Variants in FBXO28 observed in about 807,000 individuals in gnomAD.
FBXO28 encodes F-box only protein 28.
FBXO28 carries 8 observed loss-of-function variants against 38.1 expected under a neutral mutation model. The observed-to-expected ratio is 0.21, with a 90% CI of 0.12 to 0.38. The LOEUF is 0.38. Among genes scored for constraint, FBXO28 ranks in the 10% least tolerant of loss-of-function variants. The pLI is 1.00. For missense variants in FBXO28, 345 were observed against 460.6 expected (o/e 0.75, Z 2.30); for synonymous variants, 168 against 173.8 (o/e 0.97, Z 0.26).
chr1:224,132,474 G>T (rs1055069827), intron 2 of FBXO28, among the ~76,000 whole-genome samples: 12 of 152,122 alleles, frequency 7.9e-5, no homozygotes, highest in Non-Finnish European at 1.8e-4. Flanking sequence ...TATCAATGTT[G>T]GGAATGTAAA....
At position 224,159,818 on chromosome 1, in the gene FBXO28, A is replaced by G. The variant is rs147740350; in HGVS notation, c.*2072A>G. ...TTTCTTTAATGGTCATTCATGAACT[A>G]TTAAAAATTTCCTGAATTTCTTTTT... On this transcript the variant is annotated 3_prime_UTR_variant, in exon 5 of 5. Coordinates refer to ENST00000366862, the MANE Select transcript of FBXO28 (RefSeq NM_015176.4). 3.9e-5 allele frequency: 6 copies of G among 152,318 alleles called. No individual in the cohort carries two copies. In the East Asian group the frequency reaches 9.6e-4, roughly 24 times the overall value. The allele number at this position is 152,318 out of a possible 1,614,324, so 9.4% of individuals were successfully genotyped here. A position where few individuals can be genotyped will look rare whatever the true frequency, so the allele number is the denominator to read the frequency against.
chr1:224,118,917 A>G (rs974666417), intron 1 of FBXO28, among the ~76,000 whole-genome samples: 11 of 152,188 alleles, frequency 7.2e-5, no homozygotes, highest in Admixed American at 1.3e-4. Flanking sequence ...AGCACATGTC[A>G]TATTGCTTCT....
At chr1:224,148,022 A>C (rs10737437) in intron 3 of FBXO28, among the ~76,000 whole-genome samples, 140,802 of 152,124 alleles carry the variant, frequency 0.93, 66,040 homozygotes, top group Non-Finnish European at 1. Context: ...TGGACAAAGA[A>C]AAGAAACTAT....
chr1:224,138,957 G>C (rs941133028), intron 3 of FBXO28, among the ~76,000 whole-genome samples: 1 of 151,396 alleles, frequency 6.6e-6, no homozygotes, highest in African/African-American at 2.4e-5. Context: ...AAGTTTTTTT[G>C]TATTTTTAAT....
intron 3 of FBXO28, among the ~76,000 whole-genome samples, chr1:224,150,546 G>C (rs1657619070): frequency 6.6e-6 from 1 of 151,904 alleles, no homozygotes; most frequent in African/African-American, 2.4e-5. Context: ...TAAGCTTTGA[G>C]TAGCTAGCTT....
At position 224,125,696 on chromosome 1, in the gene FBXO28, C is replaced by T. The variant is rs1321943797; in HGVS notation, c.268-4776C>T. ...TCGTTCTGTCATCCAGGCTGGAGTGCATTGGTGCCGTCTCGGACCACTGTA... is the reference window on the plus strand; with the variant it reads ...TCGTTCTGTCATCCAGGCTGGAGTGTATTGGTGCCGTCTCGGACCACTGTA... On this transcript the variant is annotated intron_variant, in intron 1 of 4. Coordinates refer to ENST00000366862, the MANE Select transcript of FBXO28 (RefSeq NM_015176.4). 2.0e-5 allele frequency among the ~76,000 whole-genome samples: 3 copies of T among 149,198 alleles called. No individual in the cohort carries two copies. The East Asian group carries it at 5.9e-4, about 29-fold the overall frequency.
At chr1:224,146,045 A>G (rs1657495471) in intron 3 of FBXO28, among the ~76,000 whole-genome samples, 1 of 150,324 alleles carries the variant, frequency 6.7e-6, no homozygotes, top group South Asian at 2.1e-4. Context: ...CAGCCTGGGC[A>G]ACAATAGCGA....
At chr1:224,118,005 ATTT>A (rs1656683922) in intron 1 of FBXO28, among the ~76,000 whole-genome samples, 3 of 28,668 alleles carry the variant, frequency 1.0e-4, no homozygotes, top group Admixed American at 2.6e-4. Flanking sequence ...TAATTAATTT[ATTT>A]ATTTATTTAT....
At chr1:224,147,969 C>T (rs981575452) in intron 3 of FBXO28, among the ~76,000 whole-genome samples, 2 of 152,176 alleles carry the variant, frequency 1.3e-5, no homozygotes, top group African/African-American at 4.8e-5. Flanking sequence ...GTATGGTTCT[C>T]ACACACATAC....
intron 3 of FBXO28, among the ~76,000 whole-genome samples, chr1:224,141,812 G>A (rs1167446574): frequency 6.6e-6 from 1 of 152,160 alleles, no homozygotes; most frequent in Non-Finnish European, 1.5e-5. Context: ...GGGTAAGTCA[G>A]TGAGTGAGTG....
rs1325797833 is a variant in FBXO28 at position 224,159,787 on chromosome 1, A to G, written c.*2041A>G. On this transcript the variant is annotated 3_prime_UTR_variant, in exon 5 of 5. Coordinates refer to ENST00000366862, the MANE Select transcript of FBXO28 (RefSeq NM_015176.4). ...GTATGCATCAAAGGGATACAGCCCC[A>G]GACTGTTTCTTTAATGGTCATTCAT... 1 of 152,184 alleles carries G rather than the reference A, an allele frequency of 6.6e-6. No homozygotes were observed. The highest frequency in any genetic ancestry group is 1.5e-5 in the Non-Finnish European group (1 of 68,020). The allele number at this position is 152,184 out of a possible 1,614,324, so 9.4% of individuals were successfully genotyped here. A position where few individuals can be genotyped will look rare whatever the true frequency, so the allele number is the denominator to read the frequency against.
intron 3 of FBXO28, among the ~76,000 whole-genome samples, chr1:224,148,640 C>CGACA (rs1657568697): frequency 6.7e-6 from 1 of 150,266 alleles, no homozygotes; most frequent in Non-Finnish European, 1.5e-5. Context: ...CCAGCCTGGG[C>CGACA]GACAGAGCAA....
intron 3 of FBXO28, among the ~76,000 whole-genome samples, chr1:224,145,941 G>A (rs1315065739): frequency 2.0e-5 from 3 of 151,936 alleles, no homozygotes; most frequent in South Asian, 2.1e-4. Context: ...TGGTGCAAGC[G>A]TGTAATCCCA....
At position 224,157,930 on chromosome 1, in the gene FBXO28, G is replaced by A; in HGVS notation, c.*184G>A. 7.1e-7 allele frequency: 1 copy of A among 1,404,566 alleles called. No homozygotes were observed. Among genetic ancestry groups the A allele is most frequent in the Non-Finnish European group, 9.2e-7 (1 of 1,086,262 alleles). 87.0% of individuals were successfully genotyped at this position (1,404,566 alleles called of 1,614,324 possible). ...CTTCTCCTGATTGAACTGATGCACA[G>A]AATCTTTTTACTTTGCAATAGATTT... On this transcript the variant is annotated 3_prime_UTR_variant, in exon 5 of 5. Transcript: ENST00000366862.
At chr1:224,151,594 C>G (rs1302330196) in intron 3 of FBXO28, among the ~76,000 whole-genome samples, 2 of 152,078 alleles carry the variant, frequency 1.3e-5, no homozygotes, top group African/African-American at 4.8e-5. Flanking sequence ...TAAGATTGAT[C>G]CAGAGTTGGG....
At chr1:224,143,470 C>G (rs1657415779) in intron 3 of FBXO28, among the ~76,000 whole-genome samples, 1 of 152,078 alleles carries the variant, frequency 6.6e-6, no homozygotes, top group African/African-American at 2.4e-5. Flanking sequence ...ACCTGGTGCC[C>G]TGAGCTGCTA....
chr1:224,139,539 C>A (rs1327730387), intron 3 of FBXO28, among the ~76,000 whole-genome samples: 1 of 151,822 alleles, frequency 6.6e-6, no homozygotes, highest in Non-Finnish European at 1.5e-5. Context: ...ATCGAGAGAT[C>A]GAGACCAGCC....
chr1:224,114,528 C>G (rs2280291), intron 1 of FBXO28, 132 bp downstream of exon 1: 420,057 of 739,020 alleles, frequency 0.57, 122,815 homozygotes, highest in South Asian at 0.61. Context: ...GGGAGCCGCT[C>G]CCGTCCCGAA....
intron 4 of FBXO28, among the ~76,000 whole-genome samples, chr1:224,154,250 A>G (rs1558197863): frequency 1.3e-5 from 2 of 152,254 alleles, no homozygotes; most frequent in African/African-American, 2.4e-5. Context: ...ATAATAAAGC[A>G]TCCTTGTGTA....
Sources: allele counts gnomAD v4.1 joint callset (sites outside exome capture counted in the v4.1 genomes callset), GRCh38; gene constraint gnomAD v4.1.1; transcripts MANE v1.5; gene names NCBI Gene and HGNC (gene_info 2026-07-23, HGNC 2026-07-21).